Variants in ANKLE2 observed in about 807,000 individuals in gnomAD.
The protein encoded by ANKLE2 is ankyrin repeat and LEM domain containing 2, also known as ankyrin repeat and LEM domain-containing protein 2.
ANKLE2 carries 55 observed loss-of-function variants against 84.2 expected under a neutral mutation model. The ratio of observed to expected loss-of-function variants is 0.65; its 90% CI spans 0.53 to 0.82. ANKLE2 has a LOEUF of 0.82. Ranked by LOEUF, ANKLE2 falls within the 40% of genes least tolerant of loss-of-function variation. ANKLE2 has a pLI of 0.00. For synonymous variants in ANKLE2, 551 were observed against 486.1 expected (o/e 1.13, Z -1.76); for missense variants, 1,238 against 1,201.9 (o/e 1.03, Z -0.44).
chr12:132,732,761 C>T (rs1351641474), intron 10 of ANKLE2, among the ~76,000 whole-genome samples: 22 of 48,528 alleles, frequency 4.5e-4, no homozygotes, highest in Admixed American at 1.3e-3. Flanking sequence ...TGAAGCACTG[C>T]GCGTCCTGGT....
chr12:132,742,842 G>C (rs1593161281), intron 6 of ANKLE2, among the ~76,000 whole-genome samples: 2 of 1,734 alleles, frequency 1.2e-3, no homozygotes, highest in South Asian at 0.036. Flanking sequence ...TGTTCTCTCT[G>C]ACTCTGGTCA....
rs375739279 is a variant in ANKLE2 at position 132,736,964 on chromosome 12, G to A, written c.1522C>T (p.Arg508Cys). The A allele has an allele frequency of 2.2e-5, 36 of 1,613,904 alleles. No homozygotes were observed. In the South Asian group the frequency reaches 3.1e-4, roughly 14 times the overall value. Residue 508 changes from arginine (R) to cysteine (C), a missense_variant, in exon 8 of 13, where the codon CGC becomes TGC. Transcript: ENST00000357997. The part of the protein sequence containing the change: ...DQTAEASHVS[R>C]YGGSPRDPVL... Reference sequence around the variant, plus strand: ...GGGTCTCTGGGGCTGCCTCCATAGCGGCTGACGTGAGAGGCCTCAGCCGTC... The same window carrying A: ...GGGTCTCTGGGGCTGCCTCCATAGCAGCTGACGTGAGAGGCCTCAGCCGTC...
At chr12:132,742,727 T>TCACTACCACC (rs1555239769) in intron 6 of ANKLE2, among the ~76,000 whole-genome samples, 1 of 138,934 alleles carries the variant, frequency 7.2e-6, no homozygotes, top group African/African-American at 2.7e-5. Context: ...TCACCACCAC[T>TCACTACCACC]GCCAACACCA....
At chr12:132,746,921 C>A (rs932324310) in intron 5 of ANKLE2, among the ~76,000 whole-genome samples, 1 of 152,212 alleles carries the variant, frequency 6.6e-6, no homozygotes, top group African/African-American at 2.4e-5. Context: ...GCTCCCTACT[C>A]TGCCCTGAAG....
At chr12:132,742,147 T>G (rs908034746) in intron 6 of ANKLE2, 1 of 253,936 alleles carries the variant, frequency 3.9e-6, no homozygotes, top group South Asian at 3.8e-5. Context: ...GAGTTTTAAG[T>G]TGGTTACCAA....
Position 132,728,060 on chromosome 12 carries a change from G to A in ANKLE2, c.2587C>T (p.Leu863=), listed in dbSNP as rs1441295393. The A allele has an allele frequency of 2.5e-6, 4 of 1,612,470 alleles. No individual in the cohort carries two copies. Among genetic ancestry groups the A allele is most frequent in the South Asian group, 1.1e-5 (1 of 91,084 alleles). ...TGTCTGTCCGAGGGTGAGTAGCACA[G>A]GACAGCACTCTTCCATCTGTGCACG... ...PAVHRWKSAV[L]CYSPSDRQSW... Residue 863 remains leucine (L), a synonymous_variant, in exon 12 of 13, where the codon CTG becomes TTG. Transcript: ENST00000357997.
At chr12:132,739,250 C>T (rs554129725) in intron 7 of ANKLE2, among the ~76,000 whole-genome samples, 1 of 152,216 alleles carries the variant, frequency 6.6e-6, no homozygotes, top group Admixed American at 6.5e-5. Context: ...ACCCCTGAAC[C>T]TAAAATGAAA....
chr12:132,735,380 G>T, intron 9 of ANKLE2, 26 bp downstream of exon 9: 2 of 1,594,702 alleles, frequency 1.3e-6, no homozygotes, highest in Non-Finnish European at 8.6e-7. Context: ...TGTGCCCCAC[G>T]CTGCTGCGGC....
chr12:132,734,544 C>G lies in ANKLE2; in HGVS notation c.1732G>C (p.Val578Leu), dbSNP rs763140805. 1 of 1,613,460 alleles carries G rather than the reference C, an allele frequency of 6.2e-7. No homozygotes were observed. Among genetic ancestry groups the G allele is most frequent in the Admixed American group, 1.7e-5 (1 of 59,824 alleles). ...CAGCCCAGAAATTCCCAGTATTCAA[C>G]CCAGGGATACCCCAGCTCATGAGCT... ...ELAHELGYPW[V>L]EYWEFLGCFV... Residue 578 changes from valine to leucine, a missense_variant, in exon 10 of 13, where the codon GTT becomes CTT. This residue lies in a region of ANKLE2 where 802 missense variants were observed against 774.5 expected (regional missense o/e 1.04). Coordinates refer to ENST00000357997, the MANE Select transcript of ANKLE2 (RefSeq NM_015114.3).
At chr12:132,729,151 C>T (rs926859634) in intron 11 of ANKLE2, among the ~76,000 whole-genome samples, 2 of 151,152 alleles carry the variant, frequency 1.3e-5, no homozygotes, top group African/African-American at 2.4e-5. Flanking sequence ...AGGAGTTCGA[C>T]ACCAGCCTGG....
chr12:132,750,215 A>G (rs931852034), intron 3 of ANKLE2, among the ~76,000 whole-genome samples: 1 of 150,668 alleles, frequency 6.6e-6, no homozygotes, highest in African/African-American at 2.4e-5. Flanking sequence ...AAAAAAAAAA[A>G]AAAAAAAAAG....
intron 11 of ANKLE2, among the ~76,000 whole-genome samples, chr12:132,729,124 A>G (rs750236820): frequency 9.2e-4 from 140 of 151,568 alleles, no homozygotes; most frequent in Non-Finnish European, 1.7e-3. Context: ...AGGCCGAGGC[A>G]GGTGGATCAC....
Position 132,750,389 on chromosome 12 carries a change from TA to T in ANKLE2, c.847+253del, listed in dbSNP as rs538277577. Reference sequence around the variant, plus strand: ...GCAAAAGAACAAGACCCTGTCTCTTTACAAAAAAAAAAGAAAAAAATCCAAC... The same window carrying T: ...GCAAAAGAACAAGACCCTGTCTCTTTCAAAAAAAAAAGAAAAAAATCCAAC... On this transcript the variant is annotated intron_variant, in intron 3 of 12. Transcript: ENST00000357997. 1.5e-4 allele frequency among the ~76,000 whole-genome samples: 22 copies of T among 150,150 alleles called. No homozygotes were observed. In the South Asian group the frequency reaches 4.6e-3, roughly 31 times the overall value.
At chr12:132,735,326 G>A (rs1013347236) in intron 9 of ANKLE2, 80 bp downstream of exon 9, 7 of 1,270,990 alleles carry the variant, frequency 5.5e-6, no homozygotes, top group Middle Eastern at 1.9e-4. Flanking sequence ...GTACTTTGAA[G>A]CTGTGATTTG....
intron 10 of ANKLE2, among the ~76,000 whole-genome samples, chr12:132,733,737 C>T (rs1461119350): frequency 1.3e-5 from 2 of 151,826 alleles, no homozygotes; most frequent in African/African-American, 4.8e-5. Flanking sequence ...ACGCACCGTG[C>T]AAGGCGCTTC....
Position 132,729,796 on chromosome 12 carries a change from C to G in ANKLE2, c.2366G>C (p.Arg789Thr). The change falls in exon 11 of 13, where the codon AGG becomes ACG. Residue 789 changes from arginine to threonine, a missense_variant. Transcript: ENST00000357997. ...PADQLGNGHR[R>T]TESEMSARIA... ...CCTGGCTGACATTTCACTTTCTGTC[C>G]TCCTGTGGCCATTCCCGAGTTGGTC... 1.2e-6 allele frequency: 2 copies of G among 1,613,186 alleles called. No homozygotes were observed. The highest frequency in any genetic ancestry group is 1.7e-4 in the Middle Eastern group (1 of 6,060).
In ANKLE2 at chr12:132,733,748, G is replaced by A. The variant is rs189743076; in HGVS notation, c.1891+637C>T. Among the ~76,000 whole-genome samples the A allele has an allele frequency of 1.6e-3, 236 of 152,220 alleles. 1 individual carries two copies. Among genetic ancestry groups the A allele is most frequent in the Non-Finnish European group, 2.9e-3 (196 of 68,018 alleles). On this transcript the variant is annotated intron_variant, in intron 10 of 12. Coordinates refer to ENST00000357997, the MANE Select transcript of ANKLE2 (RefSeq NM_015114.3). ...TGATACGCACCGTGCAAGGCGCTTC[G>A]TGCCCTGGTGTCTGATATACACCAG...
Position 132,730,342 on chromosome 12 carries a change from T to C in ANKLE2, c.1892-72A>G, listed in dbSNP as rs60469942. ...CCACGGAGCTGCTCCGCCCCATCCA[T>C]GACCAACTGCCGTGACCCCAGCAAC... On this transcript the variant is annotated intron_variant, in intron 10 of 12. Transcript: ENST00000357997. 0.13 allele frequency: 65,980 copies of C among 527,012 alleles called. 4,629 individuals are homozygous for C. The highest frequency in any genetic ancestry group is 0.2 in the African/African-American group (7,541 of 37,512). 32.6% of individuals were successfully genotyped at this position (527,012 alleles called of 1,614,324 possible). A position where few individuals can be genotyped will look rare whatever the true frequency, so the allele number is the denominator to read the frequency against.
intron 10 of ANKLE2, among the ~76,000 whole-genome samples, chr12:132,733,255 C>T (rs865793523): frequency 2.1e-5 from 3 of 141,368 alleles, no homozygotes; most frequent in African/African-American, 8.1e-5. Context: ...AAGCACTGCG[C>T]GTCCTGGTGT....
Sources: allele counts gnomAD v4.1 joint callset (sites outside exome capture counted in the v4.1 genomes callset), GRCh38; gene constraint gnomAD v4.1.1; regional missense constraint gnomAD v4.1.1; transcripts MANE v1.5; gene names NCBI Gene and HGNC (gene_info 2026-07-23, HGNC 2026-07-21).